Variants in USP45 observed in about 807,000 individuals in gnomAD.
USP45 encodes ubiquitin specific peptidase 45, also known as ubiquitin carboxyl-terminal hydrolase 45.
USP45 carries 89 observed loss-of-function variants against 95.8 expected under a neutral mutation model. The ratio of observed to expected loss-of-function variants is 0.93; its 90% confidence interval spans 0.78 to 1.11. The LOEUF (loss-of-function observed/expected upper bound fraction) is 1.11. Among genes scored for constraint, USP45 ranks in the 50% least tolerant of loss-of-function variants. USP45 has a pLI of 0.00. For synonymous variants in USP45, 281 were observed against 316.2 expected, an observed-to-expected ratio of 0.89 and a Z score of 1.18; for missense variants, 898 against 942.5, an observed-to-expected ratio of 0.95 and a Z score of 0.62.
In USP45 at chr6:99,476,180, T is replaced by C. The variant is rs1369591460; in HGVS notation, c.896A>G (p.His299Arg). The stretch of plus-strand genomic sequence containing the variant: ...TGTCCTCACTGCATCCAGAAGATAA[T>C]GAAGAAGCTCCTGACTGTCCTGTTG... ...FQQQDSQELLHYLLDAVRTEE... is the reference protein window; with the variant it reads ...FQQQDSQELLRYLLDAVRTEE... Residue 299 changes from histidine (H) to arginine (R), a missense_variant, in exon 9 of 18, where the codon CAT (histidine) becomes CGT (arginine). Physicochemically the swap from His to Arg is conservative, Grantham distance 29. Transcript: ENST00000500704. The C allele has an allele frequency of 6.2e-7, 1 of 1,614,036 alleles. No homozygotes were observed. The highest frequency in any genetic ancestry group is 8.5e-7 in the Non-Finnish European group (1 of 1,179,964).
intron 5 of USP45, among the ~76,000 whole-genome samples, chr6:99,491,941 T>G (rs1795265736): frequency 6.7e-6 from 1 of 149,970 alleles, no homozygotes; most frequent in African/African-American, 2.4e-5. Flanking sequence ...GGGCCTGTTT[T>G]AAAAAACATT....
At chr6:99,478,215 GATTT>G (rs1252738996) in intron 8 of USP45, among the ~76,000 whole-genome samples, 3 of 115,584 alleles carry the variant, frequency 2.6e-5, no homozygotes, top group South Asian at 3.1e-4. Flanking sequence ...AATAAACTTA[GATTT>G]GTTTTTTTTT....
chr6:99,480,232 C>A (rs377284543), intron 8 of USP45, among the ~76,000 whole-genome samples: 1 of 152,042 alleles, frequency 6.6e-6, no homozygotes, highest in Admixed American at 6.5e-5. Context: ...AAACTATACA[C>A]CCTTGATGAG....
intron 9 of USP45, among the ~76,000 whole-genome samples, chr6:99,469,440 C>CA (rs201260284): frequency 7.6e-6 from 1 of 132,142 alleles, no homozygotes; most frequent in Non-Finnish European, 1.7e-5. Context: ...ATTATCTTTC[C>CA]AAAAAATATA....
rs757400195 is a variant in USP45 at position 99,446,304 on chromosome 6, T to C, written c.1468A>G (p.Ser490Gly). The C allele has an allele frequency of 1.9e-6, 3 of 1,614,226 alleles. No homozygotes were observed. The South Asian group carries it at 3.3e-5, about 18-fold the overall frequency. ...TCAGAATGGCTGGCTTCTTTTTCAC[T>C]GTCATCAGTAGGGCTTTCATTCAGA... is the stretch of plus-strand genomic sequence containing the variant. ...SRLNESPTDD[S>G]EKEASHSESN... is the part of the protein sequence containing the mutation. Residue 490 changes from serine to glycine, a missense_variant, in exon 14 of 18, where the codon AGT (serine) becomes GGT (glycine). Physicochemically the swap from Ser to Gly is moderately conservative, Grantham distance 56. Coordinates refer to ENST00000500704, the MANE Select transcript of USP45 (RefSeq NM_001346022.3).
intron 1 of USP45, among the ~76,000 whole-genome samples, chr6:99,513,076 A>T (rs751646569): frequency 2.0e-5 from 3 of 152,212 alleles, no homozygotes; most frequent in Non-Finnish European, 4.4e-5. Context: ...TCAAGCAGAC[A>T]TGGAGAGGGG....
chr6:99,441,448 C>A (rs571294857), intron 15 of USP45, among the ~76,000 whole-genome samples: 3 of 152,068 alleles, frequency 2.0e-5, no homozygotes, highest in African/African-American at 7.2e-5. Flanking sequence ...AGGAGAATCA[C>A]TTGAACCCAG....
chr6:99,464,255 G>A (rs939745116), intron 13 of USP45, among the ~76,000 whole-genome samples: 1 of 152,190 alleles, frequency 6.6e-6, no homozygotes, highest in African/African-American at 2.4e-5. Context: ...GCAGTTAGCT[G>A]AGATTGCACC....
rs929670464 is a variant in USP45 at position 99,432,624 on chromosome 6, G to A, written c.*3092C>T. The A allele has an allele frequency of 3.3e-5, 5 of 151,942 alleles. No individual in the cohort carries two copies. Among genetic ancestry groups the A allele is most frequent in the Admixed American group, 2.0e-4 (3 of 15,250 alleles). 9.4% of individuals were successfully genotyped at this position (151,942 alleles called of 1,614,324 possible). A position where few individuals can be genotyped will look rare whatever the true frequency, so the allele number is the denominator to read the frequency against. ...AAACATTTGAATTCATGATTTCTAC[G>A]TAAACAAAAACATCATAAATATCTA... is the stretch of plus-strand genomic sequence containing the variant. On this transcript the variant is annotated 3_prime_UTR_variant, in exon 18 of 18. Coordinates refer to ENST00000500704, the MANE Select transcript of USP45 (RefSeq NM_001346022.3).
At chr6:99,478,488 C>T in intron 8 of USP45, among the ~76,000 whole-genome samples, 1 of 151,944 alleles carries the variant, frequency 6.6e-6, no homozygotes, top group Non-Finnish European at 1.5e-5. Context: ...AACCTCAAGG[C>T]ATGAGAGAAA....
upstream of USP45, among the ~76,000 whole-genome samples, chr6:99,515,916 A>G (rs572647336): frequency 1.3e-5 from 2 of 151,820 alleles, no homozygotes; most frequent in South Asian, 2.1e-4. Flanking sequence ...CTGGGACTAC[A>G]GGCGCCCGCC....
At chr6:99,445,646 G>T (rs1782390463) in intron 14 of USP45, 151 bp downstream of exon 14, 1 of 605,758 alleles carries the variant, frequency 1.7e-6, no homozygotes, top group Non-Finnish European at 2.7e-6. Context: ...GCCCAGTATT[G>T]TAAGCGCTCA....
At chr6:99,445,384 G>A (rs1782321758) in intron 14 of USP45, among the ~76,000 whole-genome samples, 1 of 151,880 alleles carries the variant, frequency 6.6e-6, no homozygotes, top group African/African-American at 2.4e-5. Context: ...TCAGGAGGCT[G>A]AGGCAGAATA....
Position 99,471,151 on chromosome 6 carries a change from TTATATTCTCTACTCC to T in USP45, c.934-2548_934-2534del, listed in dbSNP as rs1247458426. ...TTTAATTTTGATCCTAACCGTGAATTTATATTCTCTACTCCAAACTGTTTAAAAGTCAATTAATAG... is the reference window on the plus strand; with the variant it reads ...TTTAATTTTGATCCTAACCGTGAATTAAACTGTTTAAAAGTCAATTAATAG... On this transcript the variant is annotated intron_variant, in intron 9 of 17. Transcript: ENST00000500704. 1.8e-4 allele frequency among the ~76,000 whole-genome samples: 27 copies of T among 152,318 alleles called. 1 individual carries two copies. Among genetic ancestry groups the T allele is most frequent in the African/African-American group, 6.5e-4 (27 of 41,588 alleles).
At chr6:99,497,177 G>A (rs1796472722) in intron 5 of USP45, among the ~76,000 whole-genome samples, 1 of 151,638 alleles carries the variant, frequency 6.6e-6, no homozygotes, top group African/African-American at 2.4e-5. Context: ...CTATTTCTGG[G>A]TGGGACTCAC....
intron 1 of USP45, among the ~76,000 whole-genome samples, chr6:99,510,958 G>A (rs1196789597): frequency 6.6e-6 from 1 of 152,126 alleles, no homozygotes; most frequent in Non-Finnish European, 1.5e-5. Flanking sequence ...ATCAAAAATG[G>A]ATAGCTGTAA....
chr6:99,508,952 T>C (rs572571547), intron 2 of USP45, among the ~76,000 whole-genome samples, 170 bp from the exon 3 acceptor site: 1 of 152,334 alleles, frequency 6.6e-6, no homozygotes, highest in East Asian at 1.9e-4. Context: ...ATAATGTTCA[T>C]GAAATAACAT....
At chr6:99,451,470 C>T (rs975556420) in intron 13 of USP45, among the ~76,000 whole-genome samples, 1 of 152,148 alleles carries the variant, frequency 6.6e-6, no homozygotes, top group African/African-American at 2.4e-5. Flanking sequence ...ATCCAACTTA[C>T]AAGGGATGTG....
chr6:99,437,474 T>C (rs1353721320), intron 16 of USP45, 75 bp from the exon 17 acceptor site: 6 of 1,369,806 alleles, frequency 4.4e-6, no homozygotes, highest in Non-Finnish European at 5.9e-6. Context: ...AGTAAATGTA[T>C]ATCTGCTTAA....
Sources: gnomAD v4.1 joint callset for allele counts (sites outside exome capture counted in the v4.1 genomes callset) on GRCh38, gnomAD v4.1.1 for gene constraint, MANE v1.5 for transcripts, NCBI Gene and HGNC (gene_info 2026-07-23, HGNC 2026-07-21) for gene names.